The following AFF1 variants were observed in gnomAD, a reference collection of about 807,000 sequenced individuals.
AFF1 encodes the protein ALF transcription elongation factor 1.
Under a neutral mutation model 121.7 loss-of-function variants are expected in AFF1, and 48 were observed. The observed-to-expected ratio is 0.39, with a 90% CI of 0.31 to 0.50. AFF1 has a LOEUF of 0.50. Among genes scored for constraint, AFF1 ranks in the 20% least tolerant of loss-of-function variants. AFF1 has a pLI of 0.76. For missense variants in AFF1, 1,523 were observed against 1,511.7 expected, an observed-to-expected ratio of 1.01 and a Z score of -0.12; for synonymous variants, 613 against 563.0, an observed-to-expected ratio of 1.09 and a Z score of -1.26.
At position 87,057,353 on chromosome 4, in the gene AFF1, C is replaced by T. The variant is rs546325779; in HGVS notation, c.1059+9759C>T. Among the ~76,000 whole-genome samples, 11 of 152,246 alleles carry T rather than the reference C, an allele frequency of 7.2e-5. No homozygotes were observed. The East Asian group carries it at 7.7e-4, about 11-fold the overall frequency. On this transcript the variant is annotated intron_variant, in intron 4 of 20. Coordinates refer to ENST00000395146, the MANE Select transcript of AFF1 (RefSeq NM_001166693.3). ...AAAAACAAGAATCATTAATAAAAGGCGGAGAATTATTTTGGCTTCATGGCA... is the reference window on the plus strand; with the variant it reads ...AAAAACAAGAATCATTAATAAAAGGTGGAGAATTATTTTGGCTTCATGGCA...
chr4:87,127,177 C>CT, intron 15 of AFF1, 60 bp downstream of exon 15: 1 of 1,299,246 alleles, frequency 7.7e-7, no homozygotes, highest in South Asian at 1.2e-5. Context: ...CCCCCCCCCA[C>CT]CAAGATAGAG....
At chr4:87,022,770 G>A (rs1243256939) in intron 2 of AFF1, among the ~76,000 whole-genome samples, 1 of 150,062 alleles carries the variant, frequency 6.7e-6, no homozygotes, top group Non-Finnish European at 1.5e-5. Context: ...TATCATGTGT[G>A]TGTATATATA....
At chr4:87,063,555 C>A (rs1298948908) in intron 4 of AFF1, among the ~76,000 whole-genome samples, 1 of 151,954 alleles carries the variant, frequency 6.6e-6, no homozygotes, top group Non-Finnish European at 1.5e-5. Context: ...ACCTCTTTAC[C>A]TTGGCTTAGA....
intron 4 of AFF1, chr4:87,049,522 T>C (rs1731062597): frequency 2.6e-6 from 1 of 385,248 alleles, no homozygotes. Context: ...TAATTGGCTC[T>C]TGCATGTTTT....
intron 2 of AFF1, among the ~76,000 whole-genome samples, chr4:87,018,647 G>A (rs1038718510): frequency 2.0e-5 from 3 of 152,206 alleles, no homozygotes; most frequent in Non-Finnish European, 4.4e-5. Context: ...GGAAATGACC[G>A]TCATGTGGCA....
intron 4 of AFF1, among the ~76,000 whole-genome samples, chr4:87,078,019 G>A (rs1271688943): frequency 6.6e-6 from 1 of 152,132 alleles, no homozygotes; most frequent in African/African-American, 2.4e-5. Context: ...TGTGTAATTA[G>A]AATTTGCTGA....
chr4:86,982,797 G>A (rs1343193487), intron 2 of AFF1, among the ~76,000 whole-genome samples: 2 of 140,904 alleles, frequency 1.4e-5, no homozygotes, highest in African/African-American at 2.7e-5. Context: ...GTGGTGAGCC[G>A]AGATCGTGCC....
chr4:86,973,349 T>C (rs888688299), intron 2 of AFF1, among the ~76,000 whole-genome samples: 3 of 152,134 alleles, frequency 2.0e-5, no homozygotes, highest in Non-Finnish European at 4.4e-5. Context: ...AGGATGAGGG[T>C]GAGGTTTCGG....
intron 4 of AFF1, among the ~76,000 whole-genome samples, chr4:87,060,695 C>T (rs1262983479): frequency 6.6e-6 from 1 of 151,848 alleles, no homozygotes; most frequent in East Asian, 1.9e-4. Flanking sequence ...AAAAATTAGC[C>T]AGGTATGGTG....
At chr4:87,127,781 G>C in intron 16 of AFF1, 78 bp downstream of exon 16, 1 of 1,409,860 alleles carries the variant, frequency 7.1e-7, no homozygotes, top group Non-Finnish European at 1.0e-6. Flanking sequence ...CCATTCTGCT[G>C]TATTCCATAT....
At chr4:87,082,222 A>G (rs1165920028) in intron 4 of AFF1, among the ~76,000 whole-genome samples, 1 of 152,022 alleles carries the variant, frequency 6.6e-6, no homozygotes, top group Non-Finnish European at 1.5e-5. Context: ...TTTAATTGTT[A>G]TTTTTCTAAT....
chr4:87,029,578 T>TA (rs1728868901), intron 2 of AFF1, among the ~76,000 whole-genome samples: 1 of 152,204 alleles, frequency 6.6e-6, no homozygotes, highest in Admixed American at 6.5e-5. Context: ...CTGGAATAGA[T>TA]AGCACAGGGA....
At chr4:86,936,396 A>T (rs781390628) in intron 1 of AFF1, 3 of 152,298 alleles carry the variant, frequency 2.0e-5, no homozygotes, top group Non-Finnish European at 4.4e-5. Flanking sequence ...TGAAGCACAG[A>T]AACGTTAGGT....
rs575974799 is a variant in AFF1 at position 87,094,153 on chromosome 4, C to T, written c.1229-762C>T. 2.6e-5 allele frequency among the ~76,000 whole-genome samples: 4 copies of T among 152,318 alleles called. No homozygotes were observed. In the East Asian group the frequency reaches 7.7e-4, roughly 29 times the overall value. On this transcript the variant is annotated intron_variant, in intron 7 of 20. Coordinates refer to ENST00000395146, the MANE Select transcript of AFF1 (RefSeq NM_001166693.3). The stretch of plus-strand genomic sequence containing the variant: ...ACCCTCTTCTTCTTGTTTGTTCCCA[C>T]TGTCCTCTCTCTCTTGCCAGCATCA...
At chr4:87,064,292 A>G (rs1721109648) in intron 4 of AFF1, among the ~76,000 whole-genome samples, 1 of 152,342 alleles carries the variant, frequency 6.6e-6, no homozygotes, top group South Asian at 2.1e-4. Flanking sequence ...ATTTTCATGG[A>G]ATCTCTGAAG....
chr4:87,059,031 A>G (rs1489284450), intron 4 of AFF1, among the ~76,000 whole-genome samples: 1 of 151,912 alleles, frequency 6.6e-6, no homozygotes, highest in Non-Finnish European at 1.5e-5. Flanking sequence ...ACGTGCCTTA[A>G]TCTCCTTTGG....
intron 2 of AFF1, among the ~76,000 whole-genome samples, chr4:86,993,588 G>A (rs1227277146): frequency 1.3e-5 from 2 of 152,152 alleles, no homozygotes; most frequent in East Asian, 3.9e-4. Context: ...AGAGTTTATG[G>A]AACTCCTAAA....
At chr4:87,103,686 C>T (rs1725642756) in intron 8 of AFF1, among the ~76,000 whole-genome samples, 1 of 152,184 alleles carries the variant, frequency 6.6e-6, no homozygotes, top group South Asian at 2.1e-4. Flanking sequence ...AGAACTTTCT[C>T]TAACTTTCTG....
At chr4:86,949,623 A>G (rs1182154285) in intron 2 of AFF1, 11 of 1,452,900 alleles carry the variant, frequency 7.6e-6, no homozygotes, top group African/African-American at 1.4e-5. Context: ...CTCCCCCAGA[A>G]TGCCACCGGG....
Sources: gnomAD v4.1 joint callset for allele counts (sites outside exome capture counted in the v4.1 genomes callset) on GRCh38, gnomAD v4.1.1 for gene constraint, MANE v1.5 for transcripts, NCBI Gene and HGNC (gene_info 2026-07-23, HGNC 2026-07-21) for gene names.